PPEF1: variants seen among roughly 807,000 people sequenced by gnomAD.
PPEF1 encodes serine/threonine-protein phosphatase with EF-hands 1.
PPEF1 carries 12 observed loss-of-function variants against 53.3 expected under a neutral mutation model. The ratio of observed to expected loss-of-function variants is 0.23; its 90% CI spans 0.14 to 0.36. PPEF1 has a LOEUF of 0.36. Ranked by LOEUF, PPEF1 falls within the 10% of genes least tolerant of loss-of-function variation. The pLI is 1.00. For synonymous variants in PPEF1, 165 were observed against 176.7 expected, an observed-to-expected ratio of 0.93 and a Z score of 0.52; for missense variants, 334 against 490.4, an observed-to-expected ratio of 0.68 and a Z score of 3.01.
At chrX:18,821,573 T>C (rs2047047140) in intron 13 of PPEF1, among the ~76,000 whole-genome samples, 1 of 109,899 alleles carries the variant, frequency 9.1e-6, no homozygotes, top group Non-Finnish European at 1.9e-5. Context: ...CACGCCCAGC[T>C]AATTATTTTT....
chrX:18,739,613 T>C (rs1315776445), intron 3 of PPEF1, among the ~76,000 whole-genome samples: 1 of 112,179 alleles, frequency 8.9e-6, no homozygotes, highest in Non-Finnish European at 1.9e-5. Flanking sequence ...GTCTGTCCGT[T>C]GTCAGATCTC....
At chrX:18,772,240 G>C (rs188779115) in intron 6 of PPEF1, among the ~76,000 whole-genome samples, 1 of 111,030 alleles carries the variant, frequency 9.0e-6, no homozygotes, top group Non-Finnish European at 1.9e-5. Context: ...TCTTCATGTT[G>C]AGTAGGCTGA....
At chrX:18,722,195 G>C (rs967622862) in intron 1 of PPEF1, among the ~76,000 whole-genome samples, 14 of 112,649 alleles carry the variant, frequency 1.2e-4, no homozygotes, top group Admixed American at 1.1e-3. Context: ...TCCTAGGCCA[G>C]AGTTCAGCCA....
At chrX:18,715,700 T>C (rs1393620447) in intron 1 of PPEF1, among the ~76,000 whole-genome samples, 2 of 112,002 alleles carry the variant, frequency 1.8e-5, no homozygotes, top group East Asian at 5.6e-4. Flanking sequence ...CCTCGTTTTA[T>C]AAATGAGGAA....
rs182801321 is a variant in PPEF1, at chrX:18,677,654, C to T, written c.-587+1524C>T. Among the ~76,000 whole-genome samples, 411 of 111,426 alleles carry T rather than the reference C, an allele frequency of 3.7e-3. 4 individuals are homozygous for T. The highest frequency in any genetic ancestry group is 0.013 in the African/African-American group (390 of 30,667). On this transcript the variant is annotated intron_variant, in intron 1 of 20. Coordinates refer to the PPEF1 transcript ENST00000689646. ...CAGCTGATGATCTAGCTTCCTATTG[C>T]GGTGAAAAAATGGAAGCAATCAGAA... is the stretch of plus-strand genomic sequence containing the variant.
chrX:18,811,676 T>C (rs868092365), intron 12 of PPEF1, among the ~76,000 whole-genome samples: 30 of 103,385 alleles, frequency 2.9e-4, no homozygotes, highest in Middle Eastern at 4.6e-3. Flanking sequence ...AAGGCGATCA[T>C]GGCTCACTGC....
At chrX:18,740,694 C>G (rs909935399) in intron 3 of PPEF1, among the ~76,000 whole-genome samples, 8 of 111,648 alleles carry the variant, frequency 7.2e-5, no homozygotes, top group African/African-American at 2.6e-4. Context: ...CAGGCATGAG[C>G]CACTGCACCC....
At chrX:18,702,951 T>C (rs185312871), upstream of PPEF1, among the ~76,000 whole-genome samples, 100 of 111,410 alleles carry the variant, frequency 9.0e-4, no homozygotes, top group Middle Eastern at 9.1e-3. Flanking sequence ...CCCCACCTCT[T>C]TGAGCCTGAG....
At chrX:18,707,062 C>T (rs1343839383), upstream of PPEF1, among the ~76,000 whole-genome samples, 4 of 109,454 alleles carry the variant, frequency 3.7e-5, no homozygotes, top group East Asian at 5.8e-4. Flanking sequence ...CTCCTGACCT[C>T]GTAATCCGCC....
At chrX:18,824,200 C>T (rs1489164049) in intron 14 of PPEF1, 114 bp downstream of exon 14, 2 of 797,643 alleles carry the variant, frequency 2.5e-6, no homozygotes, top group Non-Finnish European at 3.4e-6. Context: ...CCAGCACTTT[C>T]GGAGGCCAAG....
At chrX:18,762,645 A>C (rs6629294) in intron 6 of PPEF1, among the ~76,000 whole-genome samples, 1,676 of 112,149 alleles carry the variant, frequency 0.015, 35 homozygotes, top group African/African-American at 0.051. Context: ...GGGGTGGACT[A>C]TTCATGCCTC....
At chrX:18,744,532 A>T (rs1044362113) in intron 3 of PPEF1, among the ~76,000 whole-genome samples, 1 of 111,888 alleles carries the variant, frequency 8.9e-6, no homozygotes, top group African/African-American at 3.2e-5. Context: ...ATACATAGCC[A>T]TAGGTTTAAA....
chrX:18,740,041 C>A (rs945054536), intron 3 of PPEF1, among the ~76,000 whole-genome samples: 36 of 112,568 alleles, frequency 3.2e-4, no homozygotes, highest in African/African-American at 1.2e-3. Flanking sequence ...GTCACGGCTT[C>A]CCTTGGCTAG....
chrX:18,706,817 CCTTTTTT>C (rs1211019269), upstream of PPEF1, among the ~76,000 whole-genome samples: 2 of 79,158 alleles, frequency 2.5e-5, no homozygotes, highest in African/African-American at 8.7e-5. Context: ...TTTCAAACCT[CCTTTTTT>C]TTTTTTTTTT....
intron 1 of PPEF1, among the ~76,000 whole-genome samples, chrX:18,677,035 C>CTTT (rs763530257): frequency 8.9e-5 from 8 of 90,044 alleles, no homozygotes; most frequent in African/African-American, 1.7e-4. Context: ...TCATCACAAT[C>CTTT]TTTTTTTTTT....
At chrX:18,681,309 T>C (rs1449877829), upstream of PPEF1, among the ~76,000 whole-genome samples, 1 of 112,209 alleles carries the variant, frequency 8.9e-6, no homozygotes, top group Non-Finnish European at 1.9e-5. Flanking sequence ...TTTACTAATT[T>C]ATTTTGTTGA....
chrX:18,680,634 T>C (rs1928847617), upstream of PPEF1, among the ~76,000 whole-genome samples: 1 of 109,905 alleles, frequency 9.1e-6, no homozygotes, highest in African/African-American at 3.3e-5. Flanking sequence ...ATTATTATTA[T>C]ACTTTAAGTT....
intron 1 of PPEF1, among the ~76,000 whole-genome samples, chrX:18,709,621 T>C (rs1162217510): frequency 1.7e-4 from 18 of 108,786 alleles, no homozygotes; most frequent in Non-Finnish European, 2.3e-4. Flanking sequence ...CCTCAGCCTC[T>C]GGAGTAGCTG....
At chrX:18,806,674 T>G in intron 12 of PPEF1, 129 bp downstream of exon 12, 1 of 687,979 alleles carries the variant, frequency 1.5e-6, no homozygotes, top group Non-Finnish European at 2.0e-6. Context: ...ATCAACAAAA[T>G]GTAAATAGTT....
Sources: gnomAD v4.1 joint callset for allele counts (sites outside exome capture counted in the v4.1 genomes callset) on GRCh38, gnomAD v4.1.1 for gene constraint, MANE v1.5 for transcripts, NCBI Gene and HGNC (gene_info 2026-07-23, HGNC 2026-07-21) for gene names.